KIAA1328: variants seen among roughly 807,000 people sequenced by gnomAD.
The protein encoded by KIAA1328 is protein hinderin.
In KIAA1328, 52 loss-of-function variants were observed where a neutral mutation model predicts 68.1. That is an observed-to-expected ratio of 0.76 (90% CI 0.61 to 0.96). The LOEUF (loss-of-function observed/expected upper bound fraction) is 0.96, where lower values mean the gene tolerates loss of function less well. Ranked by LOEUF, KIAA1328 falls within the 40% of genes least tolerant of loss-of-function variation. KIAA1328 has a pLI of 0.00. For synonymous variants in KIAA1328, 232 were observed against 239.4 expected, an observed-to-expected ratio of 0.97 and a Z score of 0.28; for missense variants, 641 against 677.6, an observed-to-expected ratio of 0.95 and a Z score of 0.60.
chr18:36,985,814 A>G (rs2052897153), intron 6 of KIAA1328, among the ~76,000 whole-genome samples: 1 of 152,206 alleles, frequency 6.6e-6, no homozygotes, highest in African/African-American at 2.4e-5. Flanking sequence ...ATTATTAGAT[A>G]CAACACCAGA....
intron 6 of KIAA1328, among the ~76,000 whole-genome samples, chr18:37,002,142 A>G (rs1221352265): frequency 1.3e-5 from 2 of 152,060 alleles, no homozygotes; most frequent in Non-Finnish European, 2.9e-5. Context: ...CTTTGAGCTG[A>G]TAAATGGAGA....
intron 6 of KIAA1328, among the ~76,000 whole-genome samples, chr18:37,033,037 T>C (rs571339273): frequency 1.3e-5 from 2 of 152,358 alleles, no homozygotes; most frequent in African/African-American, 4.8e-5. Context: ...TGATCTTTCT[T>C]CACTAGTTTT....
chr18:37,147,588 GC>G (rs762343092), intron 7 of KIAA1328, among the ~76,000 whole-genome samples: 10 of 152,194 alleles, frequency 6.6e-5, no homozygotes, highest in Non-Finnish European at 1.3e-4. Flanking sequence ...TGTTTTCCAA[GC>G]CCCTCTAAAT....
At chr18:37,187,974 A>G (rs2059835657) in intron 9 of KIAA1328, among the ~76,000 whole-genome samples, 1 of 152,242 alleles carries the variant, frequency 6.6e-6, no homozygotes, top group African/African-American at 2.4e-5. Flanking sequence ...TGGTGTTTAT[A>G]GAATATAAAT....
At chr18:36,909,491 C>T (rs1173372180) in intron 5 of KIAA1328, among the ~76,000 whole-genome samples, 1 of 152,092 alleles carries the variant, frequency 6.6e-6, no homozygotes, top group Non-Finnish European at 1.5e-5. Flanking sequence ...GCATAGTATT[C>T]CATGGGTGTG....
At chr18:37,092,747 G>T (rs936188906) in intron 7 of KIAA1328, among the ~76,000 whole-genome samples, 6 of 152,146 alleles carry the variant, frequency 3.9e-5, no homozygotes, top group African/African-American at 1.4e-4. Context: ...GTGGCTATTG[G>T]ACACAACACT....
At chr18:36,934,936 G>T (rs2050447148) in intron 5 of KIAA1328, among the ~76,000 whole-genome samples, 1 of 152,146 alleles carries the variant, frequency 6.6e-6, no homozygotes, top group Admixed American at 6.6e-5. Flanking sequence ...AGGTCTCAAA[G>T]GGCAAATCAC....
At chr18:37,031,022 T>G (rs189347545) in intron 6 of KIAA1328, among the ~76,000 whole-genome samples, 256 of 152,322 alleles carry the variant, frequency 1.7e-3, no homozygotes, top group Non-Finnish European at 3.0e-3. Flanking sequence ...TCATCATTTT[T>G]TATGGCTGCA....
At chr18:36,912,750 G>A (rs541183661) in intron 5 of KIAA1328, among the ~76,000 whole-genome samples, 2 of 152,124 alleles carry the variant, frequency 1.3e-5, no homozygotes, top group Non-Finnish European at 2.9e-5. Flanking sequence ...CAAAAGTTTC[G>A]AACCGTATGA....
chr18:37,143,462 G>A (rs555169390), intron 7 of KIAA1328, among the ~76,000 whole-genome samples: 24 of 149,812 alleles, frequency 1.6e-4, no homozygotes, highest in Admixed American at 1.5e-3. Context: ...CAATCTCATT[G>A]CCTGTGAATA....
intron 4 of KIAA1328, among the ~76,000 whole-genome samples, chr18:36,847,288 A>G (rs998190918): frequency 1.3e-5 from 2 of 151,674 alleles, no homozygotes; most frequent in Non-Finnish European, 1.5e-5. Context: ...GCTCAATTAT[A>G]TGTTAAGTGT....
At chr18:37,228,561 T>C (rs993085527), downstream of KIAA1328, among the ~76,000 whole-genome samples, 3 of 152,152 alleles carry the variant, frequency 2.0e-5, no homozygotes, top group African/African-American at 7.2e-5. Context: ...GGCTCACGCC[T>C]GTAATCCCAC....
At position 36,985,013 on chromosome 18, in the gene KIAA1328, A is replaced by G. The variant is rs1354160023; in HGVS notation, c.576+25578A>G. Among the ~76,000 whole-genome samples the G allele has an allele frequency of 3.3e-5, 5 of 152,122 alleles. No homozygotes were observed. In the South Asian group the frequency reaches 6.2e-4, roughly 19 times the overall value. On this transcript the variant is annotated intron_variant, in intron 6 of 9. Coordinates refer to ENST00000280020, the MANE Select transcript of KIAA1328 (RefSeq NM_020776.3). ...CTCTCCAAAGTAATCTAAATGTTCA[A>G]TGAAGGACTGGGCACACAGTGGCTC...
chr18:37,131,385 GTGATCCTT>G (rs568287945), intron 7 of KIAA1328, among the ~76,000 whole-genome samples: 29 of 152,330 alleles, frequency 1.9e-4, no homozygotes, highest in Admixed American at 3.9e-4. Context: ...ACCATAGTTT[GTGATCCTT>G]TGATTCTGTG....
chr18:36,968,992 A>C (rs779338745), intron 6 of KIAA1328, among the ~76,000 whole-genome samples: 14 of 152,222 alleles, frequency 9.2e-5, no homozygotes, highest in Non-Finnish European at 1.9e-4. Flanking sequence ...GATCTTTGAA[A>C]ACTATACAGT....
At chr18:37,078,054 C>T (rs1240329417) in intron 7 of KIAA1328, among the ~76,000 whole-genome samples, 1 of 152,198 alleles carries the variant, frequency 6.6e-6, no homozygotes, top group African/African-American at 2.4e-5. Flanking sequence ...AAGCTGGAGG[C>T]ATCATGCTAC....
chr18:37,185,867 C>A (rs568829988), intron 9 of KIAA1328, among the ~76,000 whole-genome samples: 2 of 151,460 alleles, frequency 1.3e-5, no homozygotes, highest in Non-Finnish European at 2.9e-5. Flanking sequence ...ATTTCTTGTG[C>A]GGAAATTCAT....
chr18:37,057,724 C>A (rs2055974654), intron 6 of KIAA1328, among the ~76,000 whole-genome samples: 1 of 152,054 alleles, frequency 6.6e-6, no homozygotes, highest in African/African-American at 2.4e-5. Context: ...CATGAGCCAC[C>A]ACGCCTGGCC....
At chr18:37,158,901 G>A (rs550917921) in intron 7 of KIAA1328, among the ~76,000 whole-genome samples, 3 of 152,126 alleles carry the variant, frequency 2.0e-5, no homozygotes, top group Admixed American at 2.0e-4. Context: ...TGGGTTTGGG[G>A]CCTCTGGGTT....
Sources: allele counts gnomAD v4.1 joint callset (sites outside exome capture counted in the v4.1 genomes callset), GRCh38; gene constraint gnomAD v4.1.1; transcripts MANE v1.5; gene names NCBI Gene and HGNC (gene_info 2026-07-23, HGNC 2026-07-21).